The following PLPP1 variants were observed in gnomAD, a reference collection of about 807,000 sequenced individuals.
The protein encoded by PLPP1 is lipid phosphate phosphohydrolase 1a.
Under a neutral mutation model 31.2 loss-of-function variants are expected in PLPP1, and 24 were observed. The observed-to-expected ratio is 0.77, with a 90% CI of 0.56 to 1.08. PLPP1 has a LOEUF of 1.08. PLPP1 is among the 50% of genes least tolerant of loss of function. The pLI is 0.00. For synonymous variants in PLPP1, 146 were observed against 126.3 expected, an observed-to-expected ratio of 1.16 and a Z score of -1.05; for missense variants, 319 against 342.7, an observed-to-expected ratio of 0.93 and a Z score of 0.55.
chr5:55,497,386 C>T (rs1198012885), intron 1 of PLPP1, among the ~76,000 whole-genome samples: 1 of 151,426 alleles, frequency 6.6e-6, no homozygotes, highest in Non-Finnish European at 1.5e-5. Flanking sequence ...GCTGTGACTA[C>T]AGGCCTGTGC....
At chr5:55,478,266 G>A (rs1025964928) in intron 1 of PLPP1, among the ~76,000 whole-genome samples, 2 of 152,012 alleles carry the variant, frequency 1.3e-5, no homozygotes, top group African/African-American at 4.8e-5. Flanking sequence ...CCCATACAAA[G>A]GATAATAGCC....
intron 4 of PLPP1, among the ~76,000 whole-genome samples, chr5:55,427,680 T>C (rs996490347): frequency 6.6e-6 from 1 of 151,708 alleles, no homozygotes; most frequent in African/African-American, 2.4e-5. Flanking sequence ...TCATATTGAA[T>C]ATTATTTTCT....
intron 4 of PLPP1, among the ~76,000 whole-genome samples, chr5:55,439,329 A>T (rs1751568028): frequency 1.3e-5 from 2 of 152,154 alleles, no homozygotes; most frequent in Admixed American, 1.3e-4. Context: ...GCTCAAATAA[A>T]GCTCCAAGGC....
At chr5:55,502,113 C>CT (rs1163678137) in intron 1 of PLPP1, among the ~76,000 whole-genome samples, 2 of 152,110 alleles carry the variant, frequency 1.3e-5, no homozygotes, top group African/African-American at 2.4e-5. Context: ...TATAAACCAG[C>CT]TTTAGTCTGA....
At chr5:55,530,801 T>C in intron 1 of PLPP1, 2 of 1,447,784 alleles carry the variant, frequency 1.4e-6, no homozygotes, top group Non-Finnish European at 1.9e-6. Flanking sequence ...CAGGGCGCGG[T>C]CCGCACGGGC....
At chr5:55,448,592 C>G (rs1230322652) in intron 3 of PLPP1, among the ~76,000 whole-genome samples, 1 of 152,006 alleles carries the variant, frequency 6.6e-6, no homozygotes, top group East Asian at 1.9e-4. Flanking sequence ...GGATTACAGG[C>G]GTGCGCCACC....
intron 4 of PLPP1, among the ~76,000 whole-genome samples, chr5:55,441,496 C>T (rs1751618665): frequency 6.6e-6 from 1 of 152,198 alleles, no homozygotes; most frequent in Admixed American, 6.5e-5. Context: ...CTCACCACAG[C>T]AGAGCCCAGA....
intron 1 of PLPP1, among the ~76,000 whole-genome samples, chr5:55,514,618 AG>A (rs1261336648): frequency 6.6e-6 from 1 of 152,250 alleles, no homozygotes; most frequent in Non-Finnish European, 1.5e-5. Context: ...TTACTCTGGC[AG>A]GAAGTTACCA....
At chr5:55,503,733 C>G (rs755178650) in intron 1 of PLPP1, among the ~76,000 whole-genome samples, 1 of 143,614 alleles carries the variant, frequency 7.0e-6, no homozygotes, top group Non-Finnish European at 1.5e-5. Context: ...GAGCAGAGGT[C>G]GTGCCACTGC....
At chr5:55,497,112 A>C (rs1340833102) in intron 1 of PLPP1, among the ~76,000 whole-genome samples, 1 of 152,240 alleles carries the variant, frequency 6.6e-6, no homozygotes, top group East Asian at 1.9e-4. Context: ...ATTATGCTAC[A>C]CAACAGGGAA....
chr5:55,438,997 T>A (rs1273533120), intron 4 of PLPP1, among the ~76,000 whole-genome samples: 3 of 151,932 alleles, frequency 2.0e-5, no homozygotes, highest in African/African-American at 7.3e-5. Flanking sequence ...ATCAAGCAAA[T>A]ATTTCCACTA....
intron 1 of PLPP1, 102 bp from the exon 2 acceptor site, chr5:55,475,552 A>G (rs6870449): frequency 0.89 from 941,572 of 1,054,092 alleles, 422,043 homozygotes; most frequent in Admixed American, 0.92. Context: ...TGCATTTGCC[A>G]TGAAAATAAA....
intron 4 of PLPP1, among the ~76,000 whole-genome samples, chr5:55,426,527 A>AT (rs1751200411): frequency 6.6e-6 from 1 of 151,834 alleles, no homozygotes; most frequent in African/African-American, 2.4e-5. Flanking sequence ...TCAGTTTCCC[A>AT]AGTAGCTGGG....
At chr5:55,465,673 T>C (rs1752274894) in intron 3 of PLPP1, among the ~76,000 whole-genome samples, 1 of 152,232 alleles carries the variant, frequency 6.6e-6, no homozygotes, top group Non-Finnish European at 1.5e-5. Flanking sequence ...AGATTTTGTT[T>C]TACATGGTAT....
Position 55,534,597 on chromosome 5 carries a change from G to A in PLPP1, c.33C>T (p.Ala11=), listed in dbSNP as rs1272278321. 4 of 1,557,830 alleles carry A rather than the reference G, an allele frequency of 2.6e-6. No individual in the cohort carries two copies. In the East Asian group the frequency reaches 7.3e-5, roughly 29 times the overall value. The change falls in exon 1 of 6, where the codon GCC becomes GCT. Residue 11 remains alanine (A), a synonymous_variant. Coordinates refer to ENST00000307259, the MANE Select transcript of PLPP1 (RefSeq NM_003711.4). MFDKTRLPYV[A]LDVLCVLLAG... ...CCAGCAACACGCAGAGCACATCGAGGGCCACGTACGGCAGCCGCGTCTTGT... is the reference window on the plus strand; with the variant it reads ...CCAGCAACACGCAGAGCACATCGAGAGCCACGTACGGCAGCCGCGTCTTGT...
intron 4 of PLPP1, among the ~76,000 whole-genome samples, chr5:55,427,132 C>G (rs570485539): frequency 2.6e-5 from 4 of 151,440 alleles, no homozygotes; most frequent in Non-Finnish European, 5.9e-5. Flanking sequence ...TATCCAATAA[C>G]AATATAATTT....
intron 3 of PLPP1, among the ~76,000 whole-genome samples, chr5:55,459,345 G>A (rs1464549262): frequency 2.0e-5 from 3 of 151,818 alleles, no homozygotes; most frequent in African/African-American, 7.3e-5. Context: ...ATTATAGTTA[G>A]AGATTTCAAG....
intron 1 of PLPP1, among the ~76,000 whole-genome samples, chr5:55,531,841 ATGT>A (rs1367088876): frequency 6.6e-6 from 1 of 152,204 alleles, no homozygotes; most frequent in African/African-American, 2.4e-5. Context: ...TGGACAGTTG[ATGT>A]TGTTAAATGT....
chr5:55,428,160 T>C (rs534921280), intron 4 of PLPP1, among the ~76,000 whole-genome samples: 1 of 152,348 alleles, frequency 6.6e-6, no homozygotes, highest in South Asian at 2.1e-4. Flanking sequence ...TACCCAAGAA[T>C]AGAGGTTTCC....
Sources: gnomAD v4.1 joint callset for allele counts (sites outside exome capture counted in the v4.1 genomes callset) on GRCh38, gnomAD v4.1.1 for gene constraint, MANE v1.5 for transcripts, NCBI Gene and HGNC (gene_info 2026-07-23, HGNC 2026-07-21) for gene names.